The following PIEZO1 variants were observed in gnomAD, a reference collection of about 807,000 sequenced individuals.
The protein encoded by PIEZO1 is piezo-type mechanosensitive ion channel component 1.
A neutral mutation model predicts 297.2 loss-of-function variants in PIEZO1; 296 were observed. The observed-to-expected ratio is 1.00, with a 90% CI of 0.91 to 1.10. The LOEUF is 1.10. Ranked by LOEUF, PIEZO1 falls within the 50% of genes least tolerant of loss-of-function variation. PIEZO1 has a pLI of 0.00. For missense variants in PIEZO1, 5,018 were observed against 3,455.5 expected, an observed-to-expected ratio of 1.45 and a Z score of -11.34; for synonymous variants, 2,427 against 1,507.5, an observed-to-expected ratio of 1.61 and a Z score of -14.13.
intron 1 of PIEZO1, among the ~76,000 whole-genome samples, chr16:88,767,948 A>G (rs1300489194): frequency 2.0e-5 from 3 of 152,188 alleles, no homozygotes; most frequent in Non-Finnish European, 2.9e-5. Flanking sequence ...ACTCACGCAC[A>G]TGCTTCTCCC....
intron 19 of PIEZO1, 118 bp downstream of exon 19, chr16:88,733,160 G>A: frequency 1.0e-6 from 1 of 973,080 alleles, no homozygotes; most frequent in Non-Finnish European, 1.5e-6. Context: ...CCCCAGGGGA[G>A]AGTCCTCCAT....
intron 10 of PIEZO1, 41 bp downstream of exon 10, chr16:88,737,518 C>A: frequency 7.7e-7 from 1 of 1,298,326 alleles, no homozygotes; most frequent in Non-Finnish European, 1.0e-6. Context: ...CTCCGCCCCG[C>A]CCCCCGCACC....
chr16:88,738,461 G>A, intron 6 of PIEZO1, 21 bp from the exon 7 acceptor site: 1 of 1,533,168 alleles, frequency 6.5e-7, no homozygotes, highest in Non-Finnish European at 8.7e-7. Flanking sequence ...GGGGCACACA[G>A]GGTGGTACCT....
intron 44 of PIEZO1, chr16:88,718,067 T>A (rs1173657658): frequency 4.0e-6 from 1 of 248,160 alleles, no homozygotes; most frequent in Admixed American, 5.3e-5. Context: ...TGAGATCCTA[T>A]CTCAAAAGCC....
Position 88,716,358 on chromosome 16 carries a change from C to G in PIEZO1, c.7049+3G>C, listed in dbSNP as rs1184372487. The G allele has an allele frequency of 1.3e-6, 2 of 1,532,516 alleles. No individual in the cohort carries two copies. The highest frequency in any genetic ancestry group is 2.4e-5 in the South Asian group (2 of 81,662). The allele number at this position is 1,532,516 out of a possible 1,614,324, so 94.9% of individuals were successfully genotyped here. A position where few individuals can be genotyped will look rare whatever the true frequency, so the allele number is the denominator to read the frequency against. On this transcript the variant is annotated splice_donor_region_variant and intron_variant, in intron 48 of 50. Coordinates refer to ENST00000301015, the MANE Select transcript of PIEZO1 (RefSeq NM_001142864.4). ...CTGCCCACCACCCGGGCCCTTCACT[C>G]ACACAGACTGGTCCGAGGTGCCCTC...
rs918318987 is a variant in PIEZO1 at position 88,723,854 on chromosome 16, G to A, written c.4335+17C>T. On this transcript the variant is annotated intron_variant, in intron 31 of 50. Coordinates refer to ENST00000301015, the MANE Select transcript of PIEZO1 (RefSeq NM_001142864.4). ...CTCTGTGGTTGGAGTGGGGCCGACG[G>A]GGCTCTCCCACCTCACCTGGAAGGC... 7.3e-7 allele frequency: 1 copy of A among 1,372,402 alleles called. No individual in the cohort carries two copies. The highest frequency in any genetic ancestry group is 1.0e-6 in the Non-Finnish European group (1 of 984,916). The allele number at this position is 1,372,402 out of a possible 1,614,324, so 85.0% of individuals were successfully genotyped here.
chr16:88,731,887 G>T lies in PIEZO1; in HGVS notation c.3015C>A (p.Asn1005Lys), dbSNP rs748845956. The T allele has an allele frequency of 4.6e-6, 7 of 1,517,902 alleles. No individual in the cohort carries two copies. Among genetic ancestry groups the T allele is most frequent in the Non-Finnish European group, 6.2e-6 (7 of 1,130,266 alleles). The allele number at this position is 1,517,902 out of a possible 1,614,324, so 94.0% of individuals were successfully genotyped here. Reference sequence around the variant, plus strand: ...GAAAGTTCATGCGCTGCCCGATCACGTTCACGGCCATCAGGAAGCAGATCT... The same window carrying T: ...GAAAGTTCATGCGCTGCCCGATCACTTTCACGGCCATCAGGAAGCAGATCT... ...GLEICFLMAVNVIGQRMNFLV... is the reference protein window; with the variant it reads ...GLEICFLMAVKVIGQRMNFLV... Residue 1005 changes from asparagine to lysine, a missense_variant, in exon 22 of 51, where the codon AAC becomes AAA. By Grantham distance (94) the Asn-to-Lys change is moderately conservative. Coordinates refer to ENST00000301015, the MANE Select transcript of PIEZO1 (RefSeq NM_001142864.4).
At chr16:88,732,933 G>A in intron 19 of PIEZO1, 2 of 601,196 alleles carry the variant, frequency 3.3e-6, no homozygotes, top group Non-Finnish European at 5.9e-6. Context: ...AGGGGCTGGG[G>A]GAGTGAAGAG....
chr16:88,779,390 TC>T (rs1235789238), intron 1 of PIEZO1, among the ~76,000 whole-genome samples: 3 of 152,166 alleles, frequency 2.0e-5, no homozygotes, highest in South Asian at 4.1e-4. Flanking sequence ...CTGGCACTGA[TC>T]GCACTTTTCT....
intron 1 of PIEZO1, among the ~76,000 whole-genome samples, chr16:88,772,893 C>T (rs1002293815): frequency 2.0e-5 from 3 of 152,194 alleles, no homozygotes; most frequent in Admixed American, 6.5e-5. Flanking sequence ...CTCCTGAGGC[C>T]GCAGGCTGGG....
Position 88,736,720 on chromosome 16 carries a change from C to T in PIEZO1, c.1215G>A (p.Glu405=), listed in dbSNP as rs755651598. Residue 405 remains glutamate (E), a synonymous_variant, in exon 11 of 51, where the codon GAG becomes GAA. Transcript: ENST00000301015. ...LRRPVRPKRA[E]PREASPLHSL... is the part of the protein sequence containing the mutation. Reference sequence around the variant, plus strand: ...TGTGGAGCGGAGACGCCTCCCTGGGCTCAGCCCGCTTGGGCCGCACTGCAG... The same window carrying T: ...TGTGGAGCGGAGACGCCTCCCTGGGTTCAGCCCGCTTGGGCCGCACTGCAG... 2.6e-6 allele frequency: 4 copies of T among 1,531,480 alleles called. No individual in the cohort carries two copies. Among genetic ancestry groups the T allele is most frequent in the Non-Finnish European group, 3.5e-6 (4 of 1,144,598 alleles). The allele number at this position is 1,531,480 out of a possible 1,614,324, so 94.9% of individuals were successfully genotyped here.
intron 22 of PIEZO1, among the ~76,000 whole-genome samples, chr16:88,730,795 A>G (rs571291905): frequency 1.1e-4 from 17 of 152,302 alleles, no homozygotes; most frequent in African/African-American, 4.1e-4. Flanking sequence ...AGCAGAGGGG[A>G]GGCCCAGGGT....
chr16:88,759,210 G>C (rs541633643), intron 1 of PIEZO1, among the ~76,000 whole-genome samples: 1 of 152,382 alleles, frequency 6.6e-6, no homozygotes, highest in East Asian at 1.9e-4. Flanking sequence ...TCAGTCGTCT[G>C]AGTCCCCAGA....
Position 88,719,819 on chromosome 16 carries a change from G to A in PIEZO1, c.6306C>T (p.Asn2102=), listed in dbSNP as rs1159956337. The change falls in exon 43 of 51, where the codon AAC becomes AAT. Residue 2102 remains asparagine (N), a synonymous_variant. Transcript: ENST00000301015. ...NFLTKKYNHL[N]LFLFQGFRLV... ...GCACTCACCCCTGGAAGAGGAAGAGGTTGAGATGATTGTACTTCTTGGTGA... is the reference window on the plus strand; with the variant it reads ...GCACTCACCCCTGGAAGAGGAAGAGATTGAGATGATTGTACTTCTTGGTGA... 3.2e-6 allele frequency: 5 copies of A among 1,550,474 alleles called. No individual in the cohort carries two copies. The highest frequency in any genetic ancestry group is 1.4e-5 in the African/African-American group (1 of 73,068).
chr16:88,718,262 A>C (rs920287395), intron 44 of PIEZO1: 2 of 153,322 alleles, frequency 1.3e-5, no homozygotes, highest in Non-Finnish European at 2.9e-5. Flanking sequence ...GAGGATGTGG[A>C]GAAACCGCAA....
intron 23 of PIEZO1, among the ~76,000 whole-genome samples, 160 bp from the exon 24 acceptor site, chr16:88,727,352 C>T (rs796596890): frequency 3.9e-5 from 6 of 152,216 alleles, no homozygotes; most frequent in South Asian, 4.1e-4. Context: ...GGGGGAGCCC[C>T]GGTGTGAGGG....
Position 88,736,431 on chromosome 16 carries a change from C to T in PIEZO1, c.1297-23G>A, listed in dbSNP as rs8044915. On this transcript the variant is annotated intron_variant, in intron 11 of 50. Coordinates refer to ENST00000301015, the MANE Select transcript of PIEZO1 (RefSeq NM_001142864.4). ...TACCTGCGCGGCAGAGAGGGCTGCA[C>T]AGCTGCCCAGCGCACCCCACCCAGG... 477 of 1,524,790 alleles carry T rather than the reference C, an allele frequency of 3.1e-4. 3 individuals are homozygous for T. In the African/African-American group the frequency reaches 6.1e-3, roughly 20 times the overall value. The allele number at this position is 1,524,790 out of a possible 1,614,324, so 94.5% of individuals were successfully genotyped here.
chr16:88,749,892 G>A (rs1186704196), intron 1 of PIEZO1, among the ~76,000 whole-genome samples: 1 of 151,912 alleles, frequency 6.6e-6, no homozygotes, highest in Non-Finnish European at 1.5e-5. Flanking sequence ...GCCGGGCATG[G>A]TGGCGGGCAC....
At chr16:88,730,165 G>C (rs995167694) in intron 22 of PIEZO1, among the ~76,000 whole-genome samples, 8 of 152,252 alleles carry the variant, frequency 5.3e-5, no homozygotes, top group African/African-American at 1.9e-4. Flanking sequence ...GTAGCAACAG[G>C]CACACCCAGC....
Sources: allele counts gnomAD v4.1 joint callset (sites outside exome capture counted in the v4.1 genomes callset), GRCh38; gene constraint gnomAD v4.1.1; transcripts MANE v1.5; gene names NCBI Gene and HGNC (gene_info 2026-07-23, HGNC 2026-07-21).